Variants in KSR2 observed in about 807,000 individuals in gnomAD.
The protein encoded by KSR2 is kinase suppressor of ras 2.
In KSR2, 25 loss-of-function variants were observed where a neutral mutation model predicts 107.8. The observed-to-expected ratio is 0.23, with a 90% CI of 0.17 to 0.32. The LOEUF (loss-of-function observed/expected upper bound fraction) is 0.32. Among genes scored for constraint, KSR2 ranks in the 10% least tolerant of loss-of-function variants. The pLI, the probability that KSR2 is intolerant of heterozygous loss-of-function variation, is 1.00. For synonymous variants in KSR2, 480 were observed against 507.0 expected, an observed-to-expected ratio of 0.95 and a Z score of 0.71; for missense variants, 887 against 1,268.9, an observed-to-expected ratio of 0.70 and a Z score of 4.57.
Position 117,842,757 on chromosome 12 carries a change from C to T in KSR2, c.472+12671G>A, listed in dbSNP as rs1892540939. On this transcript the variant is annotated intron_variant, in intron 3 of 19. Transcript: ENST00000339824. The surrounding 1 kb of genome is among the most constrained non-coding windows in gnomAD (Gnocchi z 4.2). Reference sequence around the variant, plus strand: ...AAAGCCAGATGCTGGCCACATGAAGCAGCAGGTGGGCAAGACAGAGGGGGC... The same window carrying T: ...AAAGCCAGATGCTGGCCACATGAAGTAGCAGGTGGGCAAGACAGAGGGGGC... Among the ~76,000 whole-genome samples the T allele has an allele frequency of 6.6e-6, 1 of 152,096 alleles. No individual in the cohort carries two copies. The highest frequency in any genetic ancestry group is 1.5e-5 in the Non-Finnish European group (1 of 68,036).
chr12:117,477,848 T>A (rs78544247), intron 16 of KSR2, among the ~76,000 whole-genome samples: 1 of 152,228 alleles, frequency 6.6e-6, no homozygotes, highest in Non-Finnish European at 1.5e-5. Flanking sequence ...AATGCTGCCA[T>A]GAACATCTTT....
intron 14 of KSR2, among the ~76,000 whole-genome samples, chr12:117,523,302 T>G (rs1473306608): frequency 6.6e-6 from 1 of 152,224 alleles, no homozygotes; most frequent in African/African-American, 2.4e-5. Context: ...GATGCAAGAC[T>G]TGTGCATTTG....
At position 117,531,013 on chromosome 12, in the gene KSR2, T is replaced by C; in HGVS notation, c.1730A>G (p.Asp577Gly). The C allele has an allele frequency of 6.2e-7, 1 of 1,613,266 alleles. No individual in the cohort carries two copies. The highest frequency in any genetic ancestry group is 8.5e-7 in the Non-Finnish European group (1 of 1,179,538). The change falls in exon 12 of 20, where the codon GAT (aspartate) becomes GGT (glycine). Residue 577 changes from aspartate (D) to glycine (G), a missense_variant and splice_region_variant. Asp to Gly is a moderately conservative substitution (Grantham distance 94). Transcript: ENST00000339824. The part of the protein sequence containing the change: ...YKYKQQFIFP[D>G]VVPVPETPTR... ...CGGCGTCTCCGGCACCGGCACCACA[T>C]CTGAAAACCAGAGATTGAACACTCA...
intron 4 of KSR2, 30 bp downstream of exon 4, chr12:117,760,981 C>T: frequency 1.2e-6 from 2 of 1,611,544 alleles, no homozygotes; most frequent in Non-Finnish European, 1.7e-6. Context: ...GGGTTTCGAC[C>T]GCCCCAGGGC....
At position 117,875,861 on chromosome 12, in the gene KSR2, C is replaced by G. The variant is rs893975671; in HGVS notation, c.181-15430G>C. Among the ~76,000 whole-genome samples, 5 of 152,234 alleles carry G rather than the reference C, an allele frequency of 3.3e-5. No homozygotes were observed. The East Asian group carries it at 7.7e-4, about 23-fold the overall frequency. On this transcript the variant is annotated intron_variant, in intron 1 of 19. Coordinates refer to ENST00000339824, the MANE Select transcript of KSR2 (RefSeq NM_173598.6). ...TTGGTTTCCATGGTTACGCCTCCCC[C>G]CCACCACCACCACACACCCATCATG...
At chr12:117,609,817 AT>A (rs1395749442) in intron 5 of KSR2, among the ~76,000 whole-genome samples, 1 of 152,190 alleles carries the variant, frequency 6.6e-6, no homozygotes, top group African/African-American at 2.4e-5. Context: ...TCCCACTGGC[AT>A]TCCACTGCAT....
chr12:117,572,699 TAAAAAA>T (rs35907962), intron 7 of KSR2, among the ~76,000 whole-genome samples: 1 of 123,692 alleles, frequency 8.1e-6, no homozygotes, highest in Non-Finnish European at 1.8e-5. Flanking sequence ...TCCAGCCCAT[TAAAAAA>T]AAAAAAAAAA....
At position 117,516,597 on chromosome 12, in the gene KSR2, G is replaced by A. The variant is rs548806750; in HGVS notation, c.2219+8255C>T. 2.6e-4 allele frequency among the ~76,000 whole-genome samples: 39 copies of A among 152,178 alleles called. No homozygotes were observed. The South Asian group carries it at 7.9e-3, about 31-fold the overall frequency. On this transcript the variant is annotated intron_variant, in intron 14 of 19. Transcript: ENST00000339824. ...AAGTTATTGAGCACTCCAGTTACAG[G>A]AGGCACTATGCTATAGTCTTTTCAT...
intron 1 of KSR2, among the ~76,000 whole-genome samples, chr12:117,939,862 A>AC (rs1895955101): frequency 6.6e-6 from 1 of 151,222 alleles, no homozygotes; most frequent in Non-Finnish European, 1.5e-5. Flanking sequence ...AATTGCTTGA[A>AC]CCCAGGAGAT....
intron 10 of KSR2, 121 bp from the exon 11 acceptor site, chr12:117,531,828 C>T: frequency 1.6e-6 from 1 of 638,864 alleles, no homozygotes; most frequent in South Asian, 2.2e-5. Context: ...AGTTTCCATA[C>T]TTCTGCAGAC....
At chr12:117,652,279 A>C (rs146542995) in intron 5 of KSR2, among the ~76,000 whole-genome samples, 1 of 152,126 alleles carries the variant, frequency 6.6e-6, no homozygotes, top group Non-Finnish European at 1.5e-5. Flanking sequence ...CATGTAACCA[A>C]ATACCACCTG....
At chr12:117,891,719 G>A (rs928988726) in intron 1 of KSR2, among the ~76,000 whole-genome samples, 1 of 152,152 alleles carries the variant, frequency 6.6e-6, no homozygotes, top group Non-Finnish European at 1.5e-5. Context: ...GGGCGTGGTG[G>A]CTCATGCCTG....
At chr12:117,748,684 A>T (rs1888501743) in intron 4 of KSR2, among the ~76,000 whole-genome samples, 1 of 152,204 alleles carries the variant, frequency 6.6e-6, no homozygotes, top group Non-Finnish European at 1.5e-5. Flanking sequence ...ATAACAAATT[A>T]ATCAAGAAAA....
chr12:117,587,774 G>C (rs997970837), intron 5 of KSR2, among the ~76,000 whole-genome samples: 3 of 152,200 alleles, frequency 2.0e-5, no homozygotes, highest in African/African-American at 7.2e-5. Context: ...CCGTACCAAC[G>C]TTGGGGTTGT....
intron 5 of KSR2, among the ~76,000 whole-genome samples, chr12:117,652,569 AG>A (rs1883948931): frequency 6.6e-6 from 1 of 152,150 alleles, no homozygotes; most frequent in African/African-American, 2.4e-5. Flanking sequence ...AATGAAGGGC[AG>A]GCTGGGTCCC....
At chr12:117,540,133 G>A (rs985183830) in intron 9 of KSR2, among the ~76,000 whole-genome samples, 1 of 152,058 alleles carries the variant, frequency 6.6e-6, no homozygotes, top group African/African-American at 2.4e-5. Flanking sequence ...AGTGAAAGGT[G>A]ACCACGTAAT....
Position 117,524,918 on chromosome 12 carries a change from C to G in KSR2, c.2153G>C (p.Arg718Pro). The change falls in exon 14 of 20, where the codon CGG becomes CCG. Residue 718 changes from arginine (R) to proline (P), a missense_variant. Coordinates refer to ENST00000339824, the MANE Select transcript of KSR2 (RefSeq NM_173598.6). Reference sequence around the variant, plus strand: ...CATGAAAAGCACCACGTTCTCATGCCGTGTCTGCCTGTAGGCCATCACCTC... The same window carrying G: ...CATGAAAAGCACCACGTTCTCATGCGGTGTCTGCCTGTAGGCCATCACCTC... ...KREVMAYRQT[R>P]HENVVLFMGA... 1 of 1,613,802 alleles carries G rather than the reference C, an allele frequency of 6.2e-7. No individual in the cohort carries two copies. Among genetic ancestry groups the G allele is most frequent in the Non-Finnish European group, 8.5e-7 (1 of 1,179,818 alleles).
intron 7 of KSR2, among the ~76,000 whole-genome samples, 163 bp downstream of exon 7, chr12:117,578,956 C>T (rs1879465575): frequency 1.3e-5 from 2 of 152,204 alleles, no homozygotes; most frequent in Admixed American, 1.3e-4. Flanking sequence ...CCTTGACCCC[C>T]TACCCAAACT....
At chr12:117,695,148 C>G (rs969396151) in intron 4 of KSR2, among the ~76,000 whole-genome samples, 2 of 151,876 alleles carry the variant, frequency 1.3e-5, no homozygotes, top group African/African-American at 4.8e-5. Context: ...CACACCTGGC[C>G]GTATGATTCT....
Sources: gnomAD v4.1 joint callset for allele counts (sites outside exome capture counted in the v4.1 genomes callset) on GRCh38, gnomAD v4.1.1 for gene constraint, Gnocchi (gnomAD v3.1) non-coding constraint, MANE v1.5 for transcripts, NCBI Gene and HGNC (gene_info 2026-07-23, HGNC 2026-07-21) for gene names.